Variants in NPAS1 observed in about 807,000 individuals in gnomAD.
The protein encoded by NPAS1 is neuronal PAS domain-containing protein 1.
A neutral mutation model predicts 49.2 loss-of-function variants in NPAS1; 29 were observed. The observed-to-expected ratio is 0.59, with a 90% CI of 0.44 to 0.80. NPAS1 has a LOEUF of 0.80. NPAS1 is among the 30% of genes least tolerant of loss of function. The probability of loss-of-function intolerance (pLI) is 0.00; values close to 1 mark genes in which losing one functional copy is unlikely to be tolerated. For synonymous variants in NPAS1, 408 were observed against 380.4 expected (o/e 1.07, Z -0.84); for missense variants, 825 against 835.5 (o/e 0.99, Z 0.15).
chr19:47,021,317 G>T lies in NPAS1; in HGVS notation c.122+148G>T. ...AAGGTCTTACCTTGAGTTAACTACCGTCCTGAGCCCGGTCCCCTGCGTTCT... is the reference window on the plus strand; with the variant it reads ...AAGGTCTTACCTTGAGTTAACTACCTTCCTGAGCCCGGTCCCCTGCGTTCT... On this transcript the variant is annotated intron_variant, in intron 2 of 11. Transcript: ENST00000602212. The surrounding 1 kb of genome is among the most constrained non-coding windows in gnomAD (Gnocchi z 5.7). 1 of 720,228 alleles carries T rather than the reference G, an allele frequency of 1.4e-6. No homozygotes were observed. Among genetic ancestry groups the T allele is most frequent in the Non-Finnish European group, 2.2e-6 (1 of 460,508 alleles). The allele number at this position is 720,228 out of a possible 1,614,324, so 44.6% of individuals were successfully genotyped here. A position where few individuals can be genotyped will look rare whatever the true frequency, so the allele number is the denominator to read the frequency against.
At position 47,039,144 on chromosome 19, in the gene NPAS1, G is replaced by A. The variant is rs745509984; in HGVS notation, c.797G>A (p.Gly266Glu). 1 of 1,607,208 alleles carries A rather than the reference G, an allele frequency of 6.2e-7. No homozygotes were observed. The highest frequency in any genetic ancestry group is 1.7e-5 in the Admixed American group (1 of 59,236). ...TKRGLHVKAS[G>E]YKVIHVTGRL... ...AGGGGGCTGCACGTCAAGGCCTCAG[G>A]GTACAAGGTGGGTGTGAGCAGTCAG... Residue 266 changes from glycine (G) to glutamate (E), a missense_variant, in exon 7 of 12, where the codon GGG becomes GAG. By Grantham distance (98) the Gly-to-Glu change is moderately conservative. Coordinates refer to ENST00000602212, the MANE Select transcript of NPAS1 (RefSeq NM_002517.4).
chr19:47,045,248 A>T lies in NPAS1; in HGVS notation c.1370A>T (p.Gln457Leu). 1 of 1,613,966 alleles carries T rather than the reference A, an allele frequency of 6.2e-7. No homozygotes were observed. The highest frequency in any genetic ancestry group is 1.1e-5 in the South Asian group (1 of 91,074). Reference protein sequence around the residue: ...QAAPAENEAPQTQGKRIKVEP... With the variant: ...QAAPAENEAPLTQGKRIKVEP... ...GCCCCAGCGGAGAACGAGGCCCCCC[A>T]GACCCAGGGCAAACGCATCAAAGTG... is the stretch of plus-strand genomic sequence containing the variant. The change falls in exon 12 of 12, where the codon CAG (glutamine) becomes CTG (leucine). Residue 457 changes from glutamine (Q) to leucine (L), a missense_variant. Gln to Leu is a moderately radical substitution (Grantham distance 113). Coordinates refer to ENST00000602212, the MANE Select transcript of NPAS1 (RefSeq NM_002517.4).
chr19:47,023,266 A>AGG (rs112343590), intron 3 of NPAS1, among the ~76,000 whole-genome samples: 2 of 151,030 alleles, frequency 1.3e-5, no homozygotes, highest in African/African-American at 4.9e-5. Context: ...CCCGAGCTGA[A>AGG]GGGGGGGAAA....
chr19:47,040,757 G>A (rs1385925464), intron 9 of NPAS1: 2 of 598,712 alleles, frequency 3.3e-6, no homozygotes, highest in East Asian at 2.9e-5. Context: ...GGTCTGGGGG[G>A]CTGTGGGGTC....
At chr19:47,035,019 T>C (rs1002555555) in intron 5 of NPAS1, among the ~76,000 whole-genome samples, 2 of 150,900 alleles carry the variant, frequency 1.3e-5, no homozygotes, top group East Asian at 3.9e-4. Context: ...CCGTCTGTAC[T>C]AAAAATACAA....
rs1355115485 is a variant in NPAS1 at position 47,020,991 on chromosome 19, C to T, written c.-42-15C>T. 4.6e-6 allele frequency: 7 copies of T among 1,519,552 alleles called. No homozygotes were observed. The highest frequency in any genetic ancestry group is 6.2e-6 in the Non-Finnish European group (7 of 1,131,032). The allele number at this position is 1,519,552 out of a possible 1,614,324, so 94.1% of individuals were successfully genotyped here. A position where few individuals can be genotyped will look rare whatever the true frequency, so the allele number is the denominator to read the frequency against. ...GAGGGCACTAAGCGTTGCCCCTGGC[C>T]CCCTCCCGCTGCAGGAGACTCGGGG... On this transcript the variant is annotated splice_polypyrimidine_tract_variant and intron_variant, in intron 1 of 11. Transcript: ENST00000602212.
chr19:47,033,344 G>A (rs1275777530), intron 5 of NPAS1, among the ~76,000 whole-genome samples: 3 of 149,976 alleles, frequency 2.0e-5, no homozygotes, highest in Admixed American at 6.6e-5. Context: ...GGGTTCAAGC[G>A]ATTCTCCTGC....
intron 11 of NPAS1, among the ~76,000 whole-genome samples, chr19:47,044,722 G>A (rs1177288129): frequency 6.6e-6 from 1 of 152,186 alleles, no homozygotes; most frequent in Admixed American, 6.5e-5. Flanking sequence ...GATATTGCCA[G>A]GTGTCTCCTG....
chr19:47,041,013 C>T lies in NPAS1; in HGVS notation c.1105C>T (p.Arg369Cys), dbSNP rs995273976. ...GGGTCAGGTGATGACTGGTTACTAC[C>T]GTTGGCTGCAGCGTGCCGGGGGCTT... ...DKGQVMTGYY[R>C]WLQRAGGFVW... The change falls in exon 10 of 12, where the codon CGT becomes TGT. Residue 369 changes from arginine to cysteine, a missense_variant. Transcript: ENST00000602212. 3.2e-6 allele frequency: 5 copies of T among 1,545,994 alleles called. No individual in the cohort carries two copies. Among genetic ancestry groups the T allele is most frequent in the East Asian group, 2.3e-5 (1 of 43,474 alleles).
At chr19:47,036,400 T>C (rs1235065731) in intron 6 of NPAS1, among the ~76,000 whole-genome samples, 2 of 152,192 alleles carry the variant, frequency 1.3e-5, no homozygotes, top group Non-Finnish European at 2.9e-5. Flanking sequence ...GGCAGGCTTA[T>C]TGGGAATATA....
intron 10 of NPAS1, 140 bp from the exon 11 acceptor site, chr19:47,042,670 A>C: frequency 1.7e-6 from 1 of 589,690 alleles, no homozygotes; most frequent in Non-Finnish European, 2.9e-6. Context: ...TCTGGTGTTG[A>C]GCCTTGTAAG....
At chr19:47,032,208 T>C in intron 3 of NPAS1, 70 bp from the exon 4 acceptor site, 1 of 1,420,298 alleles carries the variant, frequency 7.0e-7, no homozygotes, top group Non-Finnish European at 9.9e-7. Context: ...GTTTGTAGAC[T>C]GGCTCCCGGG....
Position 47,021,116 on chromosome 19 carries a change from C to A in NPAS1, c.69C>A (p.Ser23Arg). Reference sequence around the variant, plus strand: ...AATGCGTGGGAGGCCGCGGCGCCAGCGTCCCCTGGGACTTTCTACCCGGGC... The same window carrying A: ...AATGCGTGGGAGGCCGCGGCGCCAGAGTCCCCTGGGACTTTCTACCCGGGC... ...EVKCVGGRGA[S>R]VPWDFLPGLM... The change falls in exon 2 of 12, where the codon AGC (serine) becomes AGA (arginine). Residue 23 changes from serine (S) to arginine (R), a missense_variant. Transcript: ENST00000602212. This position sits in a 1 kb window ranked among gnomAD's most constrained non-coding sequence, Gnocchi z 5.7. 1 of 1,602,104 alleles carries A rather than the reference C, an allele frequency of 6.2e-7. No individual in the cohort carries two copies. Among genetic ancestry groups the A allele is most frequent in the Non-Finnish European group, 8.5e-7 (1 of 1,175,150 alleles).
chr19:47,026,601 G>A (rs181403976), intron 3 of NPAS1, among the ~76,000 whole-genome samples: 20 of 152,270 alleles, frequency 1.3e-4, no homozygotes, highest in Non-Finnish European at 2.5e-4. Flanking sequence ...CACAGAGGGC[G>A]GCCTCCAAGA....
intron 3 of NPAS1, among the ~76,000 whole-genome samples, chr19:47,027,943 G>C (rs563156043): frequency 6.6e-6 from 1 of 152,122 alleles, no homozygotes; most frequent in Non-Finnish European, 1.5e-5. Context: ...AGGAAACAGC[G>C]GGAGGCATCG....
chr19:47,036,200 C>T (rs972598221), intron 6 of NPAS1, 71 bp downstream of exon 6: 52 of 1,445,012 alleles, frequency 3.6e-5, no homozygotes, highest in Middle Eastern at 3.5e-4. Flanking sequence ...CTGTATCCAG[C>T]CATGCCGCGT....
In NPAS1 at chr19:47,039,119, A is replaced by C; in HGVS notation, c.772A>C (p.Arg258=). The change falls in exon 7 of 12, where the codon AGG becomes CGG. Residue 258 remains arginine (R), a synonymous_variant. Transcript: ENST00000602212. ...CCGCATGAAATCCACGCTCACCAAG[A>C]GGGGGCTGCACGTCAAGGCCTCAGG... ...FVRMKSTLTK[R]GLHVKASGYK... 6.2e-7 allele frequency: 1 copy of C among 1,613,220 alleles called. No homozygotes were observed.
chr19:47,020,511 C>T (rs776744498), intron 1 of NPAS1, among the ~76,000 whole-genome samples: 1 of 151,830 alleles, frequency 6.6e-6, no homozygotes, highest in Non-Finnish European at 1.5e-5. Context: ...GGTCCCTGCC[C>T]TCTGCCCCCT....
intron 8 of NPAS1, among the ~76,000 whole-genome samples, chr19:47,039,968 G>A (rs1463395214): frequency 6.6e-6 from 1 of 152,166 alleles, no homozygotes; most frequent in Non-Finnish European, 1.5e-5. Flanking sequence ...CTAGGGCCTT[G>A]CCACTAGCAT....
Sources: gnomAD v4.1 joint callset for allele counts (sites outside exome capture counted in the v4.1 genomes callset) on GRCh38, gnomAD v4.1.1 for gene constraint, Gnocchi (gnomAD v3.1) non-coding constraint, MANE v1.5 for transcripts, NCBI Gene and HGNC (gene_info 2026-07-23, HGNC 2026-07-21) for gene names.